The following PTPRCAP variants were observed in gnomAD, a reference collection of about 807,000 sequenced individuals.
PTPRCAP encodes the protein protein tyrosine phosphatase receptor type C associated protein.
For missense variants in PTPRCAP, 294 were observed against 285.5 expected (o/e 1.03, Z -0.22); for synonymous variants, 136 against 135.8 (o/e 1.00, Z -0.01).
At position 67,436,164 on chromosome 11, in the gene PTPRCAP, A is replaced by G; in HGVS notation, c.190T>C (p.Tyr64His). The G allele has an allele frequency of 6.4e-7, 1 of 1,564,202 alleles. No homozygotes were observed. Among genetic ancestry groups the G allele is most frequent in the Non-Finnish European group, 8.7e-7 (1 of 1,154,892 alleles). The change falls in exon 2 of 2, where the codon TAC (tyrosine) becomes CAC (histidine). Residue 64 changes from tyrosine to histidine, a missense_variant. Transcript: ENST00000326294. ...WRRLSRDSGG[Y>H]YHPARLGAAL... ...GCACCTAGGCGGGCCGGGTGGTAGT[A>G]GCCCCCTGAGTCACGGCTGAGGCGG...
chr11:67,437,442 T>C, intron 1 of PTPRCAP, 175 bp downstream of exon 1: 1 of 697,898 alleles, frequency 1.4e-6, no homozygotes, highest in Admixed American at 4.0e-5. Flanking sequence ...AGGCCTGGAG[T>C]CCCAGGGAGC....
rs568087872 is a variant in PTPRCAP at position 67,435,778 on chromosome 11, G to A, written c.576C>T (p.Ser192=). ...GGCCCTGGCCCCCAGCTGCCCTGGC[G>A]CTGTCATCCCAGGCTGCGCTGCCAG... ...AFAGSAAWDD[S]ARAAGGQGLH... The change falls in exon 2 of 2, where the codon AGC becomes AGT. Residue 192 remains serine, a synonymous_variant. Coordinates refer to ENST00000326294, the MANE Select transcript of PTPRCAP (RefSeq NM_005608.3). 3.8e-5 allele frequency: 60 copies of A among 1,576,096 alleles called. No homozygotes were observed. Among genetic ancestry groups the A allele is most frequent in the South Asian group, 3.1e-4 (27 of 87,418 alleles).
chr11:67,436,179 G>T lies in PTPRCAP; in HGVS notation c.175C>A (p.Arg59Ser). The change falls in exon 2 of 2, where the codon CGT (arginine) becomes AGT (serine). Residue 59 changes from arginine to serine, a missense_variant. Coordinates refer to ENST00000326294, the MANE Select transcript of PTPRCAP (RefSeq NM_005608.3). ...GLALAWRRLS[R>S]DSGGYYHPAR... ...GGGTGGTAGTAGCCCCCTGAGTCACGGCTGAGGCGGCGCCAGGCCAGTGCT... is the reference window on the plus strand; with the variant it reads ...GGGTGGTAGTAGCCCCCTGAGTCACTGCTGAGGCGGCGCCAGGCCAGTGCT... The T allele has an allele frequency of 6.4e-7, 1 of 1,556,568 alleles. No individual in the cohort carries two copies. The highest frequency in any genetic ancestry group is 8.7e-7 in the Non-Finnish European group (1 of 1,151,700).
chr11:67,437,563 GC>G lies in PTPRCAP; in HGVS notation c.3+53del, dbSNP rs1215926891. The G allele has an allele frequency of 8.2e-6, 11 of 1,337,566 alleles. No individual in the cohort carries two copies. The Admixed American group carries it at 3.0e-4, about 37-fold the overall frequency. 82.9% of individuals were successfully genotyped at this position (1,337,566 alleles called of 1,614,324 possible). ...TAGCTCCACAGGCCCAGACATTCTAGCCCCGACCGCCTGTGGCCCCCATCCC... is the reference window on the plus strand; with the variant it reads ...TAGCTCCACAGGCCCAGACATTCTAGCCCGACCGCCTGTGGCCCCCATCCC... On this transcript the variant is annotated intron_variant, in intron 1 of 1. Coordinates refer to ENST00000326294, the MANE Select transcript of PTPRCAP (RefSeq NM_005608.3).
Position 67,436,222 on chromosome 11 carries a change from T to TAGGAGC in PTPRCAP, c.126_131dup (p.Leu45_Leu46dup), listed in dbSNP as rs1864270962. 6.5e-7 allele frequency: 1 copy of TAGGAGC among 1,548,798 alleles called. No homozygotes were observed. Among genetic ancestry groups the TAGGAGC allele is most frequent in the Non-Finnish European group, 8.7e-7 (1 of 1,149,784 alleles). On this transcript the variant is annotated inframe_insertion, in exon 2 of 2. Coordinates refer to ENST00000326294, the MANE Select transcript of PTPRCAP (RefSeq NM_005608.3). The stretch of plus-strand genomic sequence containing the variant: ...CCAGTGCTAGGCCAGTGGCCAGCAG[T>TAGGAGC]AGGAGCAGCAGCAGCAGCAGGACAA...
chr11:67,436,143 C>T lies in PTPRCAP; in HGVS notation c.211G>A (p.Gly71Ser). The change falls in exon 2 of 2, where the codon GGT becomes AGT. Residue 71 changes from glycine to serine, a missense_variant. Gly to Ser is a moderately conservative substitution (Grantham distance 56). Coordinates refer to ENST00000326294, the MANE Select transcript of PTPRCAP (RefSeq NM_005608.3). ...SGGYYHPARLGAALWGRTRRL... is the reference protein window; with the variant it reads ...SGGYYHPARLSAALWGRTRRL... ...CGCGTGCGGCCCCACAGCGCGGCAC[C>T]TAGGCGGGCCGGGTGGTAGTAGCCC... 1.3e-6 allele frequency: 2 copies of T among 1,574,846 alleles called. No individual in the cohort carries two copies. The highest frequency in any genetic ancestry group is 1.7e-6 in the Non-Finnish European group (2 of 1,160,120).
chr11:67,435,856 TGGTCCTG>T lies in PTPRCAP; in HGVS notation c.491_497del (p.Pro164GlnfsTer12), dbSNP rs775637846. 6.2e-7 allele frequency: 1 copy of T among 1,610,292 alleles called. No homozygotes were observed. Among genetic ancestry groups the T allele is most frequent in the Non-Finnish European group, 8.5e-7 (1 of 1,179,404 alleles). ...CCTCAGCACTGCCCCCTGCGCTCGC[TGGTCCTG>T]GGGAGCCGAGGACCAGGTCGCCCTC... is the stretch of plus-strand genomic sequence containing the variant. On this transcript the variant is annotated frameshift_variant, in exon 2 of 2. Coordinates refer to ENST00000326294, the MANE Select transcript of PTPRCAP (RefSeq NM_005608.3). LOFTEE classifies it high-confidence loss of function.
At chr11:67,437,401 G>A in intron 1 of PTPRCAP, 1 of 445,596 alleles carries the variant, frequency 2.2e-6, no homozygotes, top group Non-Finnish European at 3.9e-6. Flanking sequence ...CTCCTGACAG[G>A]GGCCTGGTCC....
chr11:67,436,409 G>T (rs1864281177), intron 1 of PTPRCAP, 59 bp from the exon 2 acceptor site: 1 of 1,419,642 alleles, frequency 7.0e-7, no homozygotes, highest in Non-Finnish European at 9.2e-7. Flanking sequence ...CCTGGTGTGG[G>T]GCAGGCTGGG....
At position 67,435,809 on chromosome 11, in the gene PTPRCAP, G is replaced by C; in HGVS notation, c.545C>G (p.Ala182Gly). The C allele has an allele frequency of 6.2e-7, 1 of 1,600,824 alleles. No individual in the cohort carries two copies. The highest frequency in any genetic ancestry group is 8.5e-7 in the Non-Finnish European group (1 of 1,174,686). The change falls in exon 2 of 2, where the codon GCC becomes GGC. Residue 182 changes from alanine (A) to glycine (G), a missense_variant. Ala to Gly is a moderately conservative substitution (Grantham distance 60). Transcript: ENST00000326294. ...SAEALLSDLH[A>G]FAGSAAWDDS... ...ATCCCAGGCTGCGCTGCCAGCAAAG[G>C]CGTGCAGGTCACTCAGCAGGGCCTC...
At position 67,435,828 on chromosome 11, in the gene PTPRCAP, G is replaced by A; in HGVS notation, c.526C>T (p.Leu176=). 1 of 1,606,146 alleles carries A rather than the reference G, an allele frequency of 6.2e-7. No homozygotes were observed. The highest frequency in any genetic ancestry group is 8.5e-7 in the Non-Finnish European group (1 of 1,177,564). ...GCAAAGGCGTGCAGGTCACTCAGCA[G>A]GGCCTCAGCACTGCCCCCTGCGCTC... ...PASAGGSAEA[L]LSDLHAFAGS... Residue 176 remains leucine (L), a synonymous_variant, in exon 2 of 2, where the codon CTG becomes TTG. Transcript: ENST00000326294.
chr11:67,437,252 C>T lies in PTPRCAP; in HGVS notation c.3+365G>A, dbSNP rs375896303. Reference sequence around the variant, plus strand: ...GCAGCTGCCAGAGGAAGTCTGCGGTCGGAACAGGCTAGGTGGGGGGTGTCG... The same window carrying T: ...GCAGCTGCCAGAGGAAGTCTGCGGTTGGAACAGGCTAGGTGGGGGGTGTCG... On this transcript the variant is annotated intron_variant, in intron 1 of 1. Coordinates refer to ENST00000326294, the MANE Select transcript of PTPRCAP (RefSeq NM_005608.3). The T allele has an allele frequency of 4.1e-5, 9 of 221,908 alleles. 1 individual carries two copies. The highest frequency in any genetic ancestry group is 3.5e-4 in the East Asian group (4 of 11,318). 13.7% of individuals were successfully genotyped at this position (221,908 alleles called of 1,614,324 possible). A position where few individuals can be genotyped will look rare whatever the true frequency, so the allele number is the denominator to read the frequency against.
chr11:67,436,285 G>A lies in PTPRCAP; in HGVS notation c.69C>T (p.Gly23=). 5 of 1,534,466 alleles carry A rather than the reference G, an allele frequency of 3.3e-6. No homozygotes were observed. Among genetic ancestry groups the A allele is most frequent in the Middle Eastern group, 1.7e-4 (1 of 5,794 alleles). Residue 23 remains glycine, a synonymous_variant, in exon 2 of 2, where the codon GGC becomes GGT. Transcript: ENST00000326294. The part of the protein sequence containing the change: ...LALPGALGSG[G]SAEDSVGSSS... ...TGGAGCCCACGCTGTCCTCCGCGCT[G>A]CCACCCGAGCCCAAGGCCCCTGGCA...
At chr11:67,436,389 TG>T in intron 1 of PTPRCAP, 39 bp from the exon 2 acceptor site, 1 of 1,428,520 alleles carries the variant, frequency 7.0e-7, no homozygotes. Flanking sequence ...GCTCAGCACC[TG>T]GGGTGGGGCC....
chr11:67,437,580 C>T (rs761368949), intron 1 of PTPRCAP, 37 bp downstream of exon 1: 18 of 1,345,016 alleles, frequency 1.3e-5, no homozygotes, highest in Non-Finnish European at 1.6e-5. Context: ...CCGCCTGTGG[C>T]CCCCATCCCA....
intron 1 of PTPRCAP, chr11:67,436,668 T>C (rs1864289676): frequency 3.3e-6 from 1 of 301,484 alleles, no homozygotes. Flanking sequence ...CCGGGCTGCA[T>C]GGCCTGCTCA....
At position 67,436,059 on chromosome 11, in the gene PTPRCAP, A is replaced by G; in HGVS notation, c.295T>C (p.Ser99Pro). 6.2e-7 allele frequency: 1 copy of G among 1,613,012 alleles called. No homozygotes were observed. The highest frequency in any genetic ancestry group is 8.5e-7 in the Non-Finnish European group (1 of 1,179,754). Residue 99 changes from serine to proline, a missense_variant, in exon 2 of 2, where the codon TCC (serine) becomes CCC (proline). Ser to Pro is a moderately conservative substitution (Grantham distance 74, BLOSUM62 -1). Transcript: ENST00000326294. ...TGTCGCTCAAGGTCATTGTCTGTGG[A>G]CCCCAGCTCAGCTCGGGCCTGCAGC... ...RWLQARAELGSTDNDLERQED... is the reference protein window; with the variant it reads ...RWLQARAELGPTDNDLERQED...
At position 67,435,551 on chromosome 11, in the gene PTPRCAP, C is replaced by T; in HGVS notation, c.*182G>A. The T allele has an allele frequency of 1.1e-6, 1 of 873,916 alleles. No homozygotes were observed. Among genetic ancestry groups the T allele is most frequent in the African/African-American group, 1.9e-5 (1 of 51,372 alleles). The allele number at this position is 873,916 out of a possible 1,614,324, so 54.1% of individuals were successfully genotyped here. On this transcript the variant is annotated 3_prime_UTR_variant, in exon 2 of 2. Coordinates refer to ENST00000326294, the MANE Select transcript of PTPRCAP (RefSeq NM_005608.3). The stretch of plus-strand genomic sequence containing the variant: ...TTTATTTCAAATGGTTGCCTGATGC[C>T]TGTGGTTGGGGGGGGCCGTTCCCGT...
chr11:67,437,211 G>A (rs1864303982), intron 1 of PTPRCAP: 2 of 174,258 alleles, frequency 1.1e-5, no homozygotes, highest in South Asian at 4.0e-4. Context: ...GCTGGGGGGG[G>A]CTGGGGGAGG....
Sources: gnomAD v4.1 joint callset for allele counts on GRCh38, gnomAD v4.1.1 for gene constraint, MANE v1.5 for transcripts, NCBI Gene and HGNC (gene_info 2026-07-23, HGNC 2026-07-21) for gene names.